Variants in DPYS observed in about 807,000 individuals in gnomAD.
The protein encoded by DPYS is dihydropyrimidinase.
DPYS carries 39 observed loss-of-function variants against 50.3 expected under a neutral mutation model. That is an observed-to-expected ratio of 0.78 (90% confidence interval 0.60 to 1.01). DPYS has a LOEUF of 1.01. Ranked by LOEUF, DPYS falls within the 50% of genes least tolerant of loss-of-function variation. DPYS has a pLI of 0.00. For missense variants in DPYS, 659 were observed against 680.9 expected (o/e 0.97, Z 0.36); for synonymous variants, 245 against 250.7 (o/e 0.98, Z 0.22).
intron 8 of DPYS, among the ~76,000 whole-genome samples, chr8:104,382,494 C>A (rs1415046611): frequency 6.6e-6 from 1 of 151,994 alleles, no homozygotes; most frequent in African/African-American, 2.4e-5. Context: ...CTCACTAATA[C>A]CCCACTCTCT....
At chr8:104,436,895 A>G (rs1404011179) in intron 4 of DPYS, among the ~76,000 whole-genome samples, 2 of 152,118 alleles carry the variant, frequency 1.3e-5, no homozygotes, top group Non-Finnish European at 2.9e-5. Context: ...TAATGCATCT[A>G]TTGAAAGAAA....
intron 1 of DPYS, among the ~76,000 whole-genome samples, chr8:104,463,296 G>T (rs1462674913): frequency 1.3e-5 from 2 of 152,304 alleles, no homozygotes; most frequent in Non-Finnish European, 1.5e-5. Flanking sequence ...TACCTGCAGT[G>T]TGTACTTATT....
chr8:104,415,003 G>C (rs780138050), intron 7 of DPYS, among the ~76,000 whole-genome samples: 140 of 152,300 alleles, frequency 9.2e-4, no homozygotes, highest in Admixed American at 2.2e-3. Context: ...TAATTCAAAG[G>C]GGGGAAGAAT....
chr8:104,395,696 C>T (rs985471264), intron 7 of DPYS, among the ~76,000 whole-genome samples: 1 of 152,158 alleles, frequency 6.6e-6, no homozygotes, highest in African/African-American at 2.4e-5. Flanking sequence ...CATTCACCCA[C>T]TGAAGGCCAT....
chr8:104,388,015 G>A (rs1434774178), intron 8 of DPYS, among the ~76,000 whole-genome samples: 1 of 152,132 alleles, frequency 6.6e-6, no homozygotes, highest in Non-Finnish European at 1.5e-5. Context: ...GCCAAAATGA[G>A]CCAACTCCAG....
chr8:104,414,126 T>C (rs1023410012), intron 7 of DPYS, among the ~76,000 whole-genome samples: 3 of 152,198 alleles, frequency 2.0e-5, no homozygotes, highest in African/African-American at 4.8e-5. Flanking sequence ...ATAATTTTAA[T>C]GCAACCAGAA....
At chr8:104,389,803 C>T (rs535138629) in intron 8 of DPYS, among the ~76,000 whole-genome samples, 10 of 152,054 alleles carry the variant, frequency 6.6e-5, no homozygotes, top group Non-Finnish European at 1.5e-4. Flanking sequence ...TGATAACTAT[C>T]ATTTATTGGT....
intron 4 of DPYS, among the ~76,000 whole-genome samples, chr8:104,434,586 A>G (rs1196044795): frequency 1.3e-5 from 2 of 152,242 alleles, no homozygotes; most frequent in African/African-American, 4.8e-5. Flanking sequence ...AACTATAAGC[A>G]AAACCAAAAC....
chr8:104,425,976 T>A (rs542297288), intron 6 of DPYS, among the ~76,000 whole-genome samples: 2 of 152,294 alleles, frequency 1.3e-5, no homozygotes, highest in South Asian at 4.1e-4. Context: ...GTAAAGCCAT[T>A]TATATACCAG....
chr8:104,385,332 T>G (rs779751537), intron 8 of DPYS, among the ~76,000 whole-genome samples: 2 of 152,196 alleles, frequency 1.3e-5, no homozygotes, highest in African/African-American at 4.8e-5. Context: ...TAGGACTTCT[T>G]GAAACTTTTT....
Position 104,463,046 on chromosome 8 carries a change from T to A in DPYS, c.264+3611A>T, listed in dbSNP as rs532251252. 6.3e-3 allele frequency among the ~76,000 whole-genome samples: 954 copies of A among 152,316 alleles called. 15 individuals carry two copies. Among genetic ancestry groups the A allele is most frequent in the African/African-American group, 0.022 (912 of 41,566 alleles). ...AAAATTGAGTCCCATCACAATCTAG[T>A]GATCGATAAATAGAGTACCACAAAT... On this transcript the variant is annotated intron_variant, in intron 1 of 9. Transcript: ENST00000351513.
chr8:104,407,816 C>T (rs1175872574), intron 7 of DPYS, among the ~76,000 whole-genome samples: 3 of 152,206 alleles, frequency 2.0e-5, no homozygotes, highest in African/African-American at 7.2e-5. Context: ...AATATACTAA[C>T]TAGGCTTAAA....
At position 104,393,010 on chromosome 8, in the gene DPYS, C is replaced by T. The variant is rs751460073; in HGVS notation, c.1236-19G>A. ...GATAGTCCTATATTTGTGAAAACAA[C>T]AAAAAAGTTCTGGATCATCACCAGC... is the stretch of plus-strand genomic sequence containing the variant. On this transcript the variant is annotated intron_variant, in intron 7 of 9. Transcript: ENST00000351513. The T allele has an allele frequency of 8.1e-6, 13 of 1,610,278 alleles. No individual in the cohort carries two copies. The highest frequency in any genetic ancestry group is 3.4e-6 in the Non-Finnish European group (4 of 1,177,164).
chr8:104,456,209 C>T (rs1392437498), intron 1 of DPYS, among the ~76,000 whole-genome samples: 2 of 152,180 alleles, frequency 1.3e-5, no homozygotes, highest in East Asian at 1.9e-4. Context: ...TGTAAGTACA[C>T]ACTATGATGG....
intron 7 of DPYS, among the ~76,000 whole-genome samples, chr8:104,410,800 C>T (rs1361314652): frequency 2.0e-5 from 3 of 152,178 alleles, no homozygotes; most frequent in Non-Finnish European, 4.4e-5. Context: ...CCTTCCCATC[C>T]TGACCCCTCT....
intron 1 of DPYS, among the ~76,000 whole-genome samples, chr8:104,458,986 A>G (rs1029947295): frequency 3.3e-5 from 5 of 152,236 alleles, no homozygotes; most frequent in African/African-American, 1.2e-4. Context: ...GTGAATGTTA[A>G]GGTCTTTTCT....
chr8:104,466,527 T>C (rs1411826618), intron 1 of DPYS, 130 bp downstream of exon 1: 30 of 1,096,854 alleles, frequency 2.7e-5, no homozygotes, highest in Non-Finnish European at 3.6e-5. Flanking sequence ...GGGGCTGCGC[T>C]CCTTCCCGCC....
chr8:104,436,003 G>A (rs1305857681), intron 4 of DPYS, among the ~76,000 whole-genome samples: 1 of 152,160 alleles, frequency 6.6e-6, no homozygotes, highest in Non-Finnish European at 1.5e-5. Context: ...GTGAAGGGGA[G>A]GGGAAGAGGA....
At chr8:104,415,110 C>T (rs150119915) in intron 7 of DPYS, among the ~76,000 whole-genome samples, 275 of 152,332 alleles carry the variant, frequency 1.8e-3, no homozygotes, top group African/African-American at 6.1e-3. Context: ...TTTCTTCACT[C>T]AACAAATGAC....
Sources: allele counts gnomAD v4.1 joint callset (sites outside exome capture counted in the v4.1 genomes callset), GRCh38; gene constraint gnomAD v4.1.1; transcripts MANE v1.5; gene names NCBI Gene and HGNC (gene_info 2026-07-23, HGNC 2026-07-21).